ACTR3C: variants seen among roughly 807,000 people sequenced by gnomAD.
ACTR3C encodes the protein actin related protein 3C.
In ACTR3C, 18 loss-of-function variants were observed where a neutral mutation model predicts 26.3. The ratio of observed to expected loss-of-function variants is 0.68; its 90% confidence interval spans 0.47 to 1.01. ACTR3C has a LOEUF of 1.01. Ranked by LOEUF, ACTR3C falls within the 50% of genes least tolerant of loss-of-function variation. ACTR3C has a pLI of 0.00. For synonymous variants in ACTR3C, 55 were observed against 94.5 expected, an observed-to-expected ratio of 0.58 and a Z score of 2.42; for missense variants, 184 against 250.7, an observed-to-expected ratio of 0.73 and a Z score of 1.80.
intron 1 of ACTR3C, among the ~76,000 whole-genome samples, chr7:150,299,333 C>T (rs970618446): frequency 1.3e-5 from 2 of 151,114 alleles, no homozygotes; most frequent in African/African-American, 4.9e-5. Flanking sequence ...TGCCTGTAGT[C>T]CCAGCTACTC....
chr7:150,297,920 T>G (rs1795068724), intron 1 of ACTR3C, among the ~76,000 whole-genome samples: 1 of 151,290 alleles, frequency 6.6e-6, no homozygotes, highest in Non-Finnish European at 1.5e-5. Context: ...TGTTATAAAT[T>G]TTAATGGAAA....
chr7:150,103,416 C>T, the ACTR3C span, among the ~76,000 whole-genome samples: 1 of 151,878 alleles, frequency 6.6e-6, no homozygotes, highest in African/African-American at 2.4e-5. Flanking sequence ...AAGCTCAATC[C>T]CAAAGCCAGA....
At chr7:149,917,847 C>A in the ACTR3C span, among the ~76,000 whole-genome samples, 1 of 151,498 alleles carries the variant, frequency 6.6e-6, no homozygotes, top group African/African-American at 2.4e-5. Context: ...GATTGAGACC[C>A]CTGGTGAGGT....
chr7:150,064,161 C>T, the ACTR3C span, among the ~76,000 whole-genome samples: 6 of 151,642 alleles, frequency 4.0e-5, no homozygotes, highest in African/African-American at 1.5e-4. Context: ...GACCCAGCAC[C>T]TGGATGGCTT....
the ACTR3C span, among the ~76,000 whole-genome samples, chr7:149,918,590 T>C: frequency 6.6e-6 from 1 of 152,176 alleles, no homozygotes; most frequent in Admixed American, 6.5e-5. Flanking sequence ...CTCGGGAGGC[T>C]GAGACAGGAG....
chr7:150,104,588 TG>T, the ACTR3C span, among the ~76,000 whole-genome samples: 4 of 151,344 alleles, frequency 2.6e-5, no homozygotes, highest in Admixed American at 1.3e-4. Flanking sequence ...CAGTGCCATC[TG>T]TTAACTCATC....
At chr7:149,968,746 G>T in the ACTR3C span, among the ~76,000 whole-genome samples, 1 of 152,038 alleles carries the variant, frequency 6.6e-6, no homozygotes, top group Non-Finnish European at 1.5e-5. Context: ...GGCTGCAAAT[G>T]TGACTGATCA....
At chr7:149,910,464 G>A in the ACTR3C span, among the ~76,000 whole-genome samples, 4 of 152,026 alleles carry the variant, frequency 2.6e-5, no homozygotes, top group Non-Finnish European at 5.9e-5. Flanking sequence ...AATATAAAAG[G>A]GGGGGTGGTG....
chr7:149,944,775 C>A, the ACTR3C span, among the ~76,000 whole-genome samples: 1 of 151,144 alleles, frequency 6.6e-6, no homozygotes, highest in Non-Finnish European at 1.5e-5. Flanking sequence ...ATCTCACTTA[C>A]ACCTAAGAAA....
chr7:150,044,073 G>T, the ACTR3C span, among the ~76,000 whole-genome samples: 1 of 152,118 alleles, frequency 6.6e-6, no homozygotes, highest in Non-Finnish European at 1.5e-5. Flanking sequence ...CATCACATTT[G>T]TATTGCAAAG....
At chr7:149,927,071 T>TC in the ACTR3C span, among the ~76,000 whole-genome samples, 1 of 151,128 alleles carries the variant, frequency 6.6e-6, no homozygotes, top group Non-Finnish European at 1.5e-5. Flanking sequence ...TAAACTTTTT[T>TC]TTTTCTTTTT....
At chr7:150,001,330 C>A in the ACTR3C span, 1 of 152,178 alleles carries the variant, frequency 6.6e-6, no homozygotes, top group Non-Finnish European at 1.5e-5. Flanking sequence ...TGATCCTACA[C>A]AGGCAGAGAT....
At chr7:150,092,509 T>C in the ACTR3C span, among the ~76,000 whole-genome samples, 2 of 149,600 alleles carry the variant, frequency 1.3e-5, no homozygotes, top group Admixed American at 6.6e-5. Context: ...CCTTAAACAA[T>C]AGGGAGATAC....
the ACTR3C span, among the ~76,000 whole-genome samples, chr7:150,142,604 C>T: frequency 6.6e-6 from 1 of 152,248 alleles, no homozygotes; most frequent in Middle Eastern, 3.4e-3. Context: ...TCTCAGCTCA[C>T]TGCAACCTCC....
chr7:150,226,005 A>T, the ACTR3C span, among the ~76,000 whole-genome samples: 1 of 152,226 alleles, frequency 6.6e-6, no homozygotes, highest in Admixed American at 6.5e-5. Context: ...AGATTCATCC[A>T]TCTCTTTTCT....
chr7:150,026,381 T>C, the ACTR3C span, among the ~76,000 whole-genome samples: 2 of 152,132 alleles, frequency 1.3e-5, no homozygotes, highest in Non-Finnish European at 2.9e-5. Context: ...TATTCAAGCG[T>C]TCCTGCTCAA....
chr7:149,886,479 A>C, the ACTR3C span, among the ~76,000 whole-genome samples: 2 of 152,200 alleles, frequency 1.3e-5, no homozygotes, highest in Non-Finnish European at 2.9e-5. Flanking sequence ...AGAAATAACC[A>C]AGATATTCCT....
At chr7:150,042,436 CCT>C in the ACTR3C span, among the ~76,000 whole-genome samples, 2 of 148,728 alleles carry the variant, frequency 1.3e-5, no homozygotes, top group African/African-American at 5.0e-5. Flanking sequence ...TGCCTCCTCC[CCT>C]GTGATGAGGG....
At position 150,305,015 on chromosome 7, in the gene ACTR3C, T is replaced by C. The variant is rs536922648; in HGVS notation, c.-51-9668A>G. On this transcript the variant is annotated intron_variant, in intron 1 of 7. Transcript: ENST00000683684. ...TTAATGAGTACTGGCTCTGGGAGTT[T>C]GATTGTTCTCAGGCGGTCTCAGCTT... Among the ~76,000 whole-genome samples the C allele has an allele frequency of 7.3e-3, 1,105 of 152,212 alleles. 9 individuals carry two copies. The highest frequency in any genetic ancestry group is 0.025 in the African/African-American group (1,058 of 41,526).
Sources: gnomAD v4.1 joint callset for allele counts (sites outside exome capture counted in the v4.1 genomes callset) on GRCh38, gnomAD v4.1.1 for gene constraint, MANE v1.5 for transcripts, NCBI Gene and HGNC (gene_info 2026-07-23, HGNC 2026-07-21) for gene names.